Variants in RBMS1 observed in about 807,000 individuals in gnomAD.
RBMS1 encodes RNA-binding motif, single-stranded-interacting protein 1.
RBMS1 carries 17 observed loss-of-function variants against 62.3 expected under a neutral mutation model. The observed-to-expected ratio is 0.27, with a 90% CI of 0.19 to 0.41. The LOEUF (loss-of-function observed/expected upper bound fraction) is 0.41, where lower values mean the gene tolerates loss of function less well. Among genes scored for constraint, RBMS1 ranks in the 10% least tolerant of loss-of-function variants. The probability of loss-of-function intolerance (pLI) is 1.00; values close to 1 mark genes in which losing one functional copy is unlikely to be tolerated. For synonymous variants in RBMS1, 172 were observed against 170.0 expected, an observed-to-expected ratio of 1.01 and a Z score of -0.09; for missense variants, 334 against 504.5, an observed-to-expected ratio of 0.66 and a Z score of 3.24.
chr2:160,472,447 C>T (rs556917740), intron 1 of RBMS1, among the ~76,000 whole-genome samples: 18 of 152,184 alleles, frequency 1.2e-4, no homozygotes, highest in Admixed American at 7.2e-4. Context: ...ACATTCTGGC[C>T]GAGCTATAAC....
chr2:160,407,505 G>T (rs896586667), intron 1 of RBMS1: 1 of 986,144 alleles, frequency 1.0e-6, no homozygotes, highest in Non-Finnish European at 1.2e-6. Context: ...CTGCCCCCGG[G>T]GTTGCCACTG....
intron 1 of RBMS1, among the ~76,000 whole-genome samples, chr2:160,439,662 G>A (rs1339866611): frequency 3.3e-5 from 5 of 152,214 alleles, no homozygotes; most frequent in Non-Finnish European, 7.3e-5. Flanking sequence ...TGGCGGCCGG[G>A]CAGAGGCTGC....
intron 1 of RBMS1, among the ~76,000 whole-genome samples, chr2:160,463,530 T>C (rs1347200935): frequency 1.3e-5 from 2 of 152,212 alleles, no homozygotes; most frequent in African/African-American, 4.8e-5. Context: ...AGGCCTATAA[T>C]CCCAGCACTT....
chr2:160,481,239 G>C lies in RBMS1; in HGVS notation c.75+12050C>G, dbSNP rs1001831539. On this transcript the variant is annotated intron_variant, in intron 1 of 13. Coordinates refer to ENST00000348849, the MANE Select transcript of RBMS1 (RefSeq NM_016836.4). ...CCATACTGGGGCACCGGGGGTGGGC[G>C]AGGTGGAACAAACAACAATAACAAA... Among the ~76,000 whole-genome samples the C allele has an allele frequency of 3.1e-4, 47 of 151,700 alleles. 1 individual carries two copies. Among genetic ancestry groups the C allele is most frequent in the Non-Finnish European group, 2.9e-5 (2 of 67,982 alleles).
chr2:160,327,805 A>G (rs1691037893), intron 2 of RBMS1, among the ~76,000 whole-genome samples: 3 of 152,204 alleles, frequency 2.0e-5, no homozygotes, highest in Admixed American at 2.0e-4. Context: ...TATCATAAAA[A>G]TGAATCCCTA....
Position 160,284,857 on chromosome 2 carries a change from G to A in RBMS1, c.818C>T (p.Ser273Leu). 1.9e-6 allele frequency: 3 copies of A among 1,604,414 alleles called. No individual in the cohort carries two copies. Among genetic ancestry groups the A allele is most frequent in the Non-Finnish European group, 2.6e-6 (3 of 1,171,982 alleles). The change falls in exon 9 of 14, where the codon TCA becomes TTA. Residue 273 changes from serine to leucine, a missense_variant. Ser to Leu is a moderately radical substitution (Grantham distance 145). This residue lies in a region of RBMS1 where 182 missense variants were observed against 257.7 expected (regional missense o/e 0.71). Coordinates refer to ENST00000348849, the MANE Select transcript of RBMS1 (RefSeq NM_016836.4). Reference protein sequence around the residue: ...TAAIQNGFYPSPYSIATNRMI... With the variant: ...TAAIQNGFYPLPYSIATNRMI... ...TCGGTTTGTAGCAATACTGTATGGTGAAGGATAAAATCTAGAACAAACACA... is the reference window on the plus strand; with the variant it reads ...TCGGTTTGTAGCAATACTGTATGGTAAAGGATAAAATCTAGAACAAACACA...
intron 1 of RBMS1, among the ~76,000 whole-genome samples, chr2:160,456,804 C>G (rs1327498014): frequency 6.6e-6 from 1 of 152,184 alleles, no homozygotes; most frequent in African/African-American, 2.4e-5. Context: ...TCTTCTCCAG[C>G]CTCCCCTTGA....
chr2:160,490,857 G>T (rs1038939361), intron 1 of RBMS1, among the ~76,000 whole-genome samples: 3 of 152,084 alleles, frequency 2.0e-5, no homozygotes, highest in African/African-American at 4.8e-5. Flanking sequence ...CCAAACAGAA[G>T]TTTCAAAATG....
chr2:160,340,213 C>A (rs1010194463), intron 2 of RBMS1, among the ~76,000 whole-genome samples: 18 of 152,106 alleles, frequency 1.2e-4, no homozygotes, highest in Non-Finnish European at 1.0e-4. Flanking sequence ...AATGGATCAA[C>A]CTTATTTAAG....
intron 1 of RBMS1, among the ~76,000 whole-genome samples, chr2:160,453,695 C>A (rs1371422845): frequency 6.6e-6 from 1 of 152,082 alleles, no homozygotes; most frequent in African/African-American, 2.4e-5. Context: ...TCATGGCCTA[C>A]AAAATAACAC....
chr2:160,454,786 A>T (rs1271371078), intron 1 of RBMS1, among the ~76,000 whole-genome samples: 3 of 152,244 alleles, frequency 2.0e-5, no homozygotes, highest in African/African-American at 7.2e-5. Flanking sequence ...GGGCTGGGAC[A>T]GTGACAGGAT....
chr2:160,400,531 CA>C (rs1178788972), intron 1 of RBMS1, among the ~76,000 whole-genome samples: 2 of 151,964 alleles, frequency 1.3e-5, no homozygotes, highest in Non-Finnish European at 2.9e-5. Flanking sequence ...TATCTGTCCA[CA>C]AAACAGCTGT....
intron 1 of RBMS1, among the ~76,000 whole-genome samples, chr2:160,378,050 C>T (rs955443656): frequency 1.4e-4 from 21 of 152,138 alleles, no homozygotes; most frequent in African/African-American, 5.1e-4. Flanking sequence ...TTTGTGCAGC[C>T]TCTTTTATAC....
intron 1 of RBMS1, among the ~76,000 whole-genome samples, chr2:160,469,186 T>A (rs1469628714): frequency 9.9e-5 from 15 of 152,184 alleles, no homozygotes. Flanking sequence ...ATATCATAGG[T>A]GCCCTTTCAA....
intron 4 of RBMS1, among the ~76,000 whole-genome samples, chr2:160,304,728 T>C (rs1689406257): frequency 6.6e-6 from 1 of 152,182 alleles, no homozygotes; most frequent in Non-Finnish European, 1.5e-5. Flanking sequence ...ATAAAGAAAA[T>C]ACTTTTGTAC....
chr2:160,361,235 T>G (rs1046047650), intron 2 of RBMS1, among the ~76,000 whole-genome samples: 1 of 152,240 alleles, frequency 6.6e-6, no homozygotes, highest in African/African-American at 2.4e-5. Flanking sequence ...GAACTCTGCA[T>G]ATGATGTCAA....
At chr2:160,376,036 G>A (rs1693979630) in intron 1 of RBMS1, among the ~76,000 whole-genome samples, 1 of 152,044 alleles carries the variant, frequency 6.6e-6, no homozygotes, top group Admixed American at 6.6e-5. Flanking sequence ...CTTCCTCCCA[G>A]CTGTTTTTTA....
At chr2:160,333,846 A>G (rs1313151682) in intron 2 of RBMS1, among the ~76,000 whole-genome samples, 1 of 152,172 alleles carries the variant, frequency 6.6e-6, no homozygotes, top group African/African-American at 2.4e-5. Flanking sequence ...CTCAGGAGAT[A>G]ACAAACCCGT....
chr2:160,300,654 A>T lies in RBMS1; in HGVS notation c.637T>A (p.Ser213Thr). Residue 213 changes from serine to threonine, a missense_variant, in exon 6 of 14, where the codon TCT becomes ACT. Physicochemically the swap from Ser to Thr is moderately conservative, Grantham distance 58. This residue lies in a region of RBMS1 where 182 missense variants were observed against 257.7 expected (regional missense o/e 0.71). Coordinates refer to ENST00000348849, the MANE Select transcript of RBMS1 (RefSeq NM_016836.4). ...GKFIKTPPGV[S>T]APTEPLLCKF... ...AAGTTTCAGACAAACAACATACCAG[A>T]AACTCCTGGTGGTGTCTTAATAAAT... 1.3e-6 allele frequency: 2 copies of T among 1,594,092 alleles called. No individual in the cohort carries two copies. Among genetic ancestry groups the T allele is most frequent in the Non-Finnish European group, 1.7e-6 (2 of 1,172,704 alleles).
Sources: allele counts gnomAD v4.1 joint callset (sites outside exome capture counted in the v4.1 genomes callset), GRCh38; gene constraint gnomAD v4.1.1; regional missense constraint gnomAD v4.1.1; transcripts MANE v1.5; gene names NCBI Gene and HGNC (gene_info 2026-07-23, HGNC 2026-07-21).